The following CFAP20DC variants were observed in gnomAD, a reference collection of about 807,000 sequenced individuals.
CFAP20DC encodes the protein CFAP20 domain containing.
CFAP20DC carries 84 observed loss-of-function variants against 101.7 expected under a neutral mutation model. The observed-to-expected ratio is 0.83, with a 90% confidence interval of 0.69 to 0.99. The LOEUF (loss-of-function observed/expected upper bound fraction) is 0.99, where lower values mean the gene tolerates loss of function less well. Ranked by LOEUF, CFAP20DC falls within the 50% of genes least tolerant of loss-of-function variation. The pLI is 0.00. For missense variants in CFAP20DC, 1,007 were observed against 970.3 expected, an observed-to-expected ratio of 1.04 and a Z score of -0.50; for synonymous variants, 359 against 351.2, an observed-to-expected ratio of 1.02 and a Z score of -0.25.
intron 5 of CFAP20DC, 124 bp downstream of exon 5, chr3:58,937,524 G>C (rs1008724624): frequency 5.5e-5 from 36 of 659,786 alleles, no homozygotes; most frequent in Non-Finnish European, 7.6e-5. Flanking sequence ...GGAAGGCCAT[G>C]AATTTTATTC....
intron 15 of CFAP20DC, among the ~76,000 whole-genome samples, chr3:58,774,921 T>G (rs1403640697): frequency 6.6e-6 from 1 of 152,162 alleles, no homozygotes; most frequent in East Asian, 1.9e-4. Context: ...CTTTTGAGGG[T>G]AAAGATCCAT....
chr3:58,957,809 C>T (rs1422323056), intron 4 of CFAP20DC, among the ~76,000 whole-genome samples: 1 of 152,020 alleles, frequency 6.6e-6, no homozygotes, highest in African/African-American at 2.4e-5. Flanking sequence ...AACAATTGAA[C>T]TCATGGAGAC....
chr3:58,762,272 A>G (rs1201692868), intron 15 of CFAP20DC, among the ~76,000 whole-genome samples: 1 of 152,114 alleles, frequency 6.6e-6, no homozygotes, highest in African/African-American at 2.4e-5. Flanking sequence ...TATTGAATTG[A>G]TCCCTTTACC....
chr3:58,820,057 A>T (rs1395823226), intron 14 of CFAP20DC, among the ~76,000 whole-genome samples: 1 of 151,014 alleles, frequency 6.6e-6, no homozygotes, highest in African/African-American at 2.4e-5. Context: ...GATTATCTCA[A>T]TAGATGCAGA....
At chr3:58,822,304 A>AAAAGAC (rs2075720025) in intron 14 of CFAP20DC, among the ~76,000 whole-genome samples, 7 of 99,856 alleles carry the variant, frequency 7.0e-5, no homozygotes, top group African/African-American at 2.4e-4. Flanking sequence ...ATAAAAAAAA[A>AAAAGAC]TCATGAAAAA....
intron 13 of CFAP20DC, among the ~76,000 whole-genome samples, chr3:58,848,549 G>A (rs914486290): frequency 1.3e-5 from 2 of 152,062 alleles, no homozygotes; most frequent in Non-Finnish European, 2.9e-5. Context: ...CTAGCCGAGG[G>A]ATTTATTCGA....
At chr3:58,791,711 C>T (rs1382071694) in intron 15 of CFAP20DC, among the ~76,000 whole-genome samples, 1 of 152,130 alleles carries the variant, frequency 6.6e-6, no homozygotes. Flanking sequence ...TAATTTCTTG[C>T]TCATGTTAAG....
At chr3:58,841,729 C>T (rs2077125333) in intron 13 of CFAP20DC, among the ~76,000 whole-genome samples, 1 of 152,150 alleles carries the variant, frequency 6.6e-6, no homozygotes, top group East Asian at 1.9e-4. Context: ...CAATTCTTTT[C>T]CTATTAAAAG....
At chr3:58,937,581 G>A in intron 5 of CFAP20DC, 67 bp downstream of exon 5, 2 of 968,538 alleles carry the variant, frequency 2.1e-6, no homozygotes, top group Admixed American at 1.7e-5. Context: ...CACATATGGA[G>A]TCAGCCCATA....
At chr3:58,720,677 G>A (rs1054670467) in intron 3 of CFAP20DC, among the ~76,000 whole-genome samples, 15 of 152,146 alleles carry the variant, frequency 9.9e-5, no homozygotes, top group East Asian at 3.8e-4. Context: ...ATTACAGCTC[G>A]GACTATAATC....
chr3:58,950,232 T>A (rs1244211429), intron 4 of CFAP20DC, among the ~76,000 whole-genome samples: 1 of 152,122 alleles, frequency 6.6e-6, no homozygotes, highest in Non-Finnish European at 1.5e-5. Flanking sequence ...CAAGGAGAAC[T>A]ACAAACCACT....
At chr3:58,891,926 C>T (rs979434754) in intron 6 of CFAP20DC, among the ~76,000 whole-genome samples, 8 of 152,050 alleles carry the variant, frequency 5.3e-5, no homozygotes, top group African/African-American at 1.7e-4. Context: ...TGTGTCTTGT[C>T]CTGAATACCC....
chr3:59,004,776 GCT>G (rs1244390684), intron 4 of CFAP20DC, among the ~76,000 whole-genome samples: 1 of 152,164 alleles, frequency 6.6e-6, no homozygotes, highest in East Asian at 1.9e-4. Flanking sequence ...AATCCCCACA[GCT>G]CTGTTTTGTT....
chr3:58,929,798 T>C (rs1335651095), intron 5 of CFAP20DC, among the ~76,000 whole-genome samples: 1 of 152,200 alleles, frequency 6.6e-6, no homozygotes. Context: ...TCCATTCTCT[T>C]AGCTCATGGC....
Position 58,956,457 on chromosome 3 carries a change from G to C in CFAP20DC, c.279-18695C>G, listed in dbSNP as rs557115624. ...GCAAGACACCTCTGCCTTTGGAAAG[G>C]GGAGAGAAGAGTGGGAAAGACTACA... On this transcript the variant is annotated intron_variant, in intron 4 of 16. Transcript: ENST00000482387. Among the ~76,000 whole-genome samples, 35 of 152,190 alleles carry C rather than the reference G, an allele frequency of 2.3e-4. No homozygotes were observed. The East Asian group carries it at 5.7e-3, about 25-fold the overall frequency.
chr3:58,955,733 A>G (rs988549587), intron 4 of CFAP20DC, among the ~76,000 whole-genome samples: 2 of 151,778 alleles, frequency 1.3e-5, no homozygotes, highest in Admixed American at 6.6e-5. Flanking sequence ...CACCAGCTGG[A>G]ATAGCTAAGG....
intron 15 of CFAP20DC, among the ~76,000 whole-genome samples, chr3:58,766,772 T>C (rs1172460771): frequency 6.6e-6 from 1 of 152,230 alleles, no homozygotes; most frequent in South Asian, 2.1e-4. Flanking sequence ...CCATGCTCCC[T>C]ACCATCACTG....
rs1336018400 is a variant in CFAP20DC, at chr3:58,882,335, T to G, written c.715+2210A>C. ...ATTAATATTTATCCAAATTCCCATT[T>G]AATTTCACACATTATAAGTGTCCTT... On this transcript the variant is annotated intron_variant, in intron 7 of 16. Coordinates refer to ENST00000482387, the MANE Select transcript of CFAP20DC (RefSeq NM_001394063.1). The surrounding 1 kb of genome is among the most constrained non-coding windows in gnomAD (Gnocchi z 4.2). 6.6e-6 allele frequency among the ~76,000 whole-genome samples: 1 copy of G among 152,206 alleles called. No individual in the cohort carries two copies. The highest frequency in any genetic ancestry group is 6.5e-5 in the Admixed American group (1 of 15,282).
intron 15 of CFAP20DC, chr3:58,794,276 C>T (rs1263182811): frequency 4.5e-6 from 2 of 448,420 alleles, no homozygotes; most frequent in South Asian, 3.2e-5. Context: ...ATTTTCTTGT[C>T]CTGAGCACCA....
Sources: allele counts gnomAD v4.1 joint callset (sites outside exome capture counted in the v4.1 genomes callset), GRCh38; gene constraint gnomAD v4.1.1; non-coding constraint Gnocchi (gnomAD v3.1); transcripts MANE v1.5; gene names NCBI Gene and HGNC (gene_info 2026-07-23, HGNC 2026-07-21).